Variants in WDR41 observed in about 807,000 individuals in gnomAD.
The protein encoded by WDR41 is WD repeat domain 41.
In WDR41, 63 loss-of-function variants were observed where a neutral mutation model predicts 69.3. The ratio of observed to expected loss-of-function variants is 0.91; its 90% CI spans 0.74 to 1.12. The LOEUF (loss-of-function observed/expected upper bound fraction) is 1.12. Ranked by LOEUF, WDR41 falls within the 50% of genes most tolerant of loss-of-function variation. The pLI is 0.00. For missense variants in WDR41, 543 were observed against 534.5 expected (o/e 1.02, Z -0.16); for synonymous variants, 185 against 192.1 (o/e 0.96, Z 0.31).
intron 1 of WDR41, among the ~76,000 whole-genome samples, chr5:77,609,085 A>T (rs1025284392): frequency 1.3e-5 from 2 of 152,090 alleles, no homozygotes; most frequent in African/African-American, 4.8e-5. Flanking sequence ...ACTGCAAGGC[A>T]GCAGCGAGGC....
At chr5:77,458,811 A>G (rs1249608656) in intron 5 of WDR41, 3 of 307,378 alleles carry the variant, frequency 9.8e-6, no homozygotes, top group African/African-American at 2.2e-5. Flanking sequence ...TACAAAAAAC[A>G]TACCAGGTAC....
chr5:77,437,357 C>A lies in WDR41; in HGVS notation c.1072G>T (p.Ala358Ser). Residue 358 changes from alanine to serine, a missense_variant, in exon 11 of 13, where the codon GCA becomes TCA. Coordinates refer to ENST00000296679, the MANE Select transcript of WDR41 (RefSeq NM_018268.4). ...IWELREKQQL[A>S]AEPVPTGFFN... Reference sequence around the variant, plus strand: ...ACACCTGTTGGTACAGGCTCAGCTGCAAGCTGCTGTTTTTCTCTTAACTCC... The same window carrying A: ...ACACCTGTTGGTACAGGCTCAGCTGAAAGCTGCTGTTTTTCTCTTAACTCC... 1 of 1,613,908 alleles carries A rather than the reference C, an allele frequency of 6.2e-7. No homozygotes were observed. Among genetic ancestry groups the A allele is most frequent in the South Asian group, 1.1e-5 (1 of 91,082 alleles).
At chr5:77,492,683 TC>T (rs1464509813), upstream of WDR41, 1 of 159,902 alleles carries the variant, frequency 6.3e-6, no homozygotes, top group African/African-American at 2.4e-5. Flanking sequence ...CCAGGAAATC[TC>T]CCCTGCTTTC....
chr5:77,492,375 GT>G, upstream of WDR41: 1 of 940,210 alleles, frequency 1.1e-6, no homozygotes, highest in African/African-American at 1.7e-5. Context: ...GCAGACCACA[GT>G]TGAGGGAGAA....
Position 77,449,850 on chromosome 5 carries a change from G to T in WDR41, c.607C>A (p.Pro203Thr). The change falls in exon 8 of 13, where the codon CCC becomes ACC. Residue 203 changes from proline to threonine, a missense_variant. By Grantham distance (38) the Pro-to-Thr change is conservative. Transcript: ENST00000296679. ...TCCCATTCTAGTGATCCTTCTGTGG[G>T]TGCTACCAACCTGAAAATTACTAAA... is the stretch of plus-strand genomic sequence containing the variant. The part of the protein sequence containing the change: ...KELIIFRLVA[P>T]TEGSLEWDIL... 1 of 1,612,926 alleles carries T rather than the reference G, an allele frequency of 6.2e-7. No homozygotes were observed. The highest frequency in any genetic ancestry group is 8.5e-7 in the Non-Finnish European group (1 of 1,179,256).
intron 1 of WDR41, among the ~76,000 whole-genome samples, chr5:77,510,960 T>C (rs1802188675): frequency 6.6e-6 from 1 of 151,884 alleles, no homozygotes; most frequent in African/African-American, 2.4e-5. Context: ...AGAGACAGTT[T>C]CACCATGTTG....
At chr5:77,537,274 T>C (rs1407863555) in intron 1 of WDR41, among the ~76,000 whole-genome samples, 1 of 152,150 alleles carries the variant, frequency 6.6e-6, no homozygotes, top group Non-Finnish European at 1.5e-5. Flanking sequence ...GTAAGACACA[T>C]AGGCCCAGAA....
At chr5:77,597,723 A>C (rs570155722) in intron 1 of WDR41, among the ~76,000 whole-genome samples, 10 of 152,324 alleles carry the variant, frequency 6.6e-5, no homozygotes, top group African/African-American at 2.4e-4. Context: ...CTAAACAAAT[A>C]TCTATTGAAT....
chr5:77,439,206 C>G (rs928022707), intron 9 of WDR41, among the ~76,000 whole-genome samples: 1 of 152,176 alleles, frequency 6.6e-6, no homozygotes, highest in Admixed American at 6.5e-5. Context: ...ATAGATATCC[C>G]CATGAGGCAG....
chr5:77,590,973 T>C (rs1029757460), intron 1 of WDR41, among the ~76,000 whole-genome samples: 1 of 152,174 alleles, frequency 6.6e-6, no homozygotes, highest in African/African-American at 2.4e-5. Context: ...TTACTTTCAA[T>C]ATTAATGGAA....
rs1318616223 is a variant in WDR41, at chr5:77,582,937, G to A, written c.42+37542C>T. 3 of 1,609,268 alleles carry A rather than the reference G, an allele frequency of 1.9e-6. No individual in the cohort carries two copies. In the African/African-American group the frequency reaches 4.0e-5, roughly 21 times the overall value. On this transcript the variant is annotated intron_variant, in intron 1 of 5. Coordinates refer to the WDR41 transcript ENST00000509971. ...TGGTAAATACGGCATTATCTGCATG[G>A]AGGATTTGATTCATGAGATCTATAC...
intron 1 of WDR41, among the ~76,000 whole-genome samples, chr5:77,572,930 C>A (rs1743758579): frequency 6.6e-6 from 1 of 152,210 alleles, no homozygotes; most frequent in Non-Finnish European, 1.5e-5. Context: ...GCAATATGCA[C>A]AACGGAGTGA....
chr5:77,460,523 C>T (rs1441960570), intron 4 of WDR41, among the ~76,000 whole-genome samples: 6 of 152,130 alleles, frequency 3.9e-5, no homozygotes, highest in African/African-American at 1.4e-4. Context: ...TATCTACCTT[C>T]AGTATTTAAT....
intron 1 of WDR41, among the ~76,000 whole-genome samples, chr5:77,514,855 G>T (rs1277515460): frequency 1.3e-5 from 2 of 152,088 alleles, no homozygotes; most frequent in Non-Finnish European, 2.9e-5. Flanking sequence ...ACATAGAAAA[G>T]GTACAGTAAA....
intron 1 of WDR41, among the ~76,000 whole-genome samples, chr5:77,588,097 C>T (rs1031774935): frequency 6.6e-6 from 1 of 152,140 alleles, no homozygotes; most frequent in African/African-American, 2.4e-5. Flanking sequence ...TCTATAAACA[C>T]CTGTTCAAAC....
At chr5:77,523,569 C>T (rs549205211) in intron 1 of WDR41, among the ~76,000 whole-genome samples, 1 of 151,922 alleles carries the variant, frequency 6.6e-6, no homozygotes, top group Admixed American at 6.6e-5. Flanking sequence ...GTGCCTCACA[C>T]TGATCAGTGC....
At chr5:77,467,307 C>G (rs1800349010) in intron 2 of WDR41, among the ~76,000 whole-genome samples, 2 of 151,908 alleles carry the variant, frequency 1.3e-5, no homozygotes, top group South Asian at 4.1e-4. Context: ...AGAAATGTTT[C>G]TTTACCGATT....
In WDR41 at chr5:77,433,782, G is replaced by A. The variant is rs552919918; in HGVS notation, c.1228-495C>T. 4.6e-5 allele frequency among the ~76,000 whole-genome samples: 7 copies of A among 152,296 alleles called. No individual in the cohort carries two copies. In the South Asian group the frequency reaches 1.2e-3, roughly 27 times the overall value. On this transcript the variant is annotated intron_variant, in intron 12 of 12. Coordinates refer to ENST00000296679, the MANE Select transcript of WDR41 (RefSeq NM_018268.4). ...TAATTGAAACAATAAAGGTACCAAT[G>A]AGAGATTATGTAATCAGGTACTAAA...
At chr5:77,577,087 C>T (rs1015897732) in intron 1 of WDR41, among the ~76,000 whole-genome samples, 2 of 152,178 alleles carry the variant, frequency 1.3e-5, no homozygotes, top group African/African-American at 2.4e-5. Context: ...TAGCCACAAA[C>T]ATAACTCTCA....
Sources: gnomAD v4.1 joint callset for allele counts (sites outside exome capture counted in the v4.1 genomes callset) on GRCh38, gnomAD v4.1.1 for gene constraint, MANE v1.5 for transcripts, NCBI Gene and HGNC (gene_info 2026-07-23, HGNC 2026-07-21) for gene names.